The following MOSMO variants were observed in gnomAD, a reference collection of about 807,000 sequenced individuals.
MOSMO encodes modulator of smoothened protein.
In MOSMO, 5 loss-of-function variants were observed where a neutral mutation model predicts 18.4. That is an observed-to-expected ratio of 0.27 (90% confidence interval 0.14 to 0.57). The LOEUF (loss-of-function observed/expected upper bound fraction) is 0.57, where lower values mean the gene tolerates loss of function less well. Among genes scored for constraint, MOSMO ranks in the 20% least tolerant of loss-of-function variants. The pLI, the probability that MOSMO is intolerant of heterozygous loss-of-function variation, is 0.92. For missense variants in MOSMO, 138 were observed against 211.8 expected (o/e 0.65, Z 2.16); for synonymous variants, 82 against 82.3 (o/e 1.00, Z 0.02).
At chr16:22,027,251 T>C (rs1373664289) in intron 1 of MOSMO, among the ~76,000 whole-genome samples, 2 of 152,180 alleles carry the variant, frequency 1.3e-5, no homozygotes, top group Non-Finnish European at 2.9e-5. Flanking sequence ...AAAATAGCGG[T>C]TTGTGGAAAA....
chr16:22,080,953 G>A lies in MOSMO; in HGVS notation c.*73G>A. ...TTTTTTATTTTTGGAGGGTGGAGAG[G>A]ACAAAGGCGAGGCATCTGAGCAGGC... is the stretch of plus-strand genomic sequence containing the variant. On this transcript the variant is annotated 3_prime_UTR_variant, in exon 3 of 3. Coordinates refer to ENST00000542527, the MANE Select transcript of MOSMO (RefSeq NM_001164579.2). 1 of 690,876 alleles carries A rather than the reference G, an allele frequency of 1.4e-6. No individual in the cohort carries two copies. The highest frequency in any genetic ancestry group is 2.1e-6 in the Non-Finnish European group (1 of 487,792). The allele number at this position is 690,876 out of a possible 1,614,324, so 42.8% of individuals were successfully genotyped here. A position where few individuals can be genotyped will look rare whatever the true frequency, so the allele number is the denominator to read the frequency against.
chr16:22,047,028 C>T (rs1900321984), intron 1 of MOSMO, among the ~76,000 whole-genome samples: 1 of 152,016 alleles, frequency 6.6e-6, no homozygotes, highest in Admixed American at 6.6e-5. Flanking sequence ...TTCACCCCCT[C>T]CTGGCATCTT....
At chr16:22,020,291 A>ATTT (rs1204620607) in intron 1 of MOSMO, among the ~76,000 whole-genome samples, 1 of 122,512 alleles carries the variant, frequency 8.2e-6, no homozygotes, top group African/African-American at 3.0e-5. Flanking sequence ...CCTGACTTTA[A>ATTT]TTTTTTTTTT....
At chr16:22,012,739 GAAAA>G (rs5816166) in intron 1 of MOSMO, among the ~76,000 whole-genome samples, 1 of 67,138 alleles carries the variant, frequency 1.5e-5, no homozygotes, top group African/African-American at 6.5e-5. Flanking sequence ...AGAAGGAATA[GAAAA>G]AAAAAAAAAA....
intron 1 of MOSMO, among the ~76,000 whole-genome samples, chr16:22,028,398 C>G (rs1338403933): frequency 6.7e-6 from 1 of 150,062 alleles, no homozygotes; most frequent in Non-Finnish European, 1.5e-5. Flanking sequence ...ATAAAATATG[C>G]ATAACGAAAT....
chr16:22,075,229 A>G, intron 1 of MOSMO: 1 of 547,280 alleles, frequency 1.8e-6, no homozygotes, highest in Admixed American at 2.4e-5. Context: ...AAAAGTATTT[A>G]TTTAATGAAT....
At chr16:22,014,609 C>G (rs995987491) in intron 1 of MOSMO, among the ~76,000 whole-genome samples, 14 of 152,150 alleles carry the variant, frequency 9.2e-5, no homozygotes, top group African/African-American at 3.1e-4. Context: ...GTTTAAAACA[C>G]TAAAATTACA....
intron 1 of MOSMO, among the ~76,000 whole-genome samples, chr16:22,072,621 C>A (rs1900878336): frequency 6.6e-6 from 1 of 152,064 alleles, no homozygotes; most frequent in African/African-American, 2.4e-5. Flanking sequence ...ACGATCTTGG[C>A]TAACACGGTG....
intron 1 of MOSMO, among the ~76,000 whole-genome samples, chr16:22,026,907 A>G (rs1899888169): frequency 1.3e-5 from 2 of 151,508 alleles, no homozygotes; most frequent in African/African-American, 2.4e-5. Flanking sequence ...GTATTCGTGT[A>G]GCAAGTCTCT....
At chr16:22,035,126 G>T (rs139780442) in intron 1 of MOSMO, among the ~76,000 whole-genome samples, 47 of 152,202 alleles carry the variant, frequency 3.1e-4, no homozygotes, top group Non-Finnish European at 5.3e-4. Context: ...ATGACGGTAA[G>T]GTACATGGGG....
intron 1 of MOSMO, among the ~76,000 whole-genome samples, chr16:22,044,496 A>T (rs1900270018): frequency 6.6e-6 from 1 of 152,216 alleles, no homozygotes. Flanking sequence ...GAGCACTGAC[A>T]TGATGCTCAA....
intron 2 of MOSMO, among the ~76,000 whole-genome samples, chr16:22,076,577 C>A (rs1900973426): frequency 6.6e-6 from 1 of 152,160 alleles, no homozygotes; most frequent in Non-Finnish European, 1.5e-5. Flanking sequence ...GAGAACAATA[C>A]CTATGCAAAT....
At chr16:22,092,579 T>C in the MOSMO span, 1 of 1,545,936 alleles carries the variant, frequency 6.5e-7, no homozygotes, top group Non-Finnish European at 8.7e-7. Context: ...AGAAGTGAGA[T>C]CCAGGAGAAG....
At chr16:22,060,566 G>T (rs1470948902) in intron 1 of MOSMO, among the ~76,000 whole-genome samples, 2 of 152,110 alleles carry the variant, frequency 1.3e-5, no homozygotes, top group South Asian at 4.1e-4. Flanking sequence ...AGATATTGCT[G>T]CTGGGAATGT....
chr16:22,092,509 TA>T, downstream of MOSMO: 1 of 1,229,534 alleles, frequency 8.1e-7, no homozygotes, highest in Non-Finnish European at 1.1e-6. Flanking sequence ...GGAGACCAGC[TA>T]ACACATTCCC....
At chr16:22,035,678 T>C (rs1900093784) in intron 1 of MOSMO, among the ~76,000 whole-genome samples, 2 of 152,208 alleles carry the variant, frequency 1.3e-5, no homozygotes, top group Non-Finnish European at 2.9e-5. Context: ...CGGTTTGCCC[T>C]GTGTCTTCAG....
At chr16:22,054,990 T>C (rs1370233637) in intron 1 of MOSMO, among the ~76,000 whole-genome samples, 1 of 152,044 alleles carries the variant, frequency 6.6e-6, no homozygotes. Flanking sequence ...ACATTTATTA[T>C]GTCTGGTATA....
At chr16:22,014,045 A>T (rs1185948237) in intron 1 of MOSMO, among the ~76,000 whole-genome samples, 1 of 152,096 alleles carries the variant, frequency 6.6e-6, no homozygotes, top group Non-Finnish European at 1.5e-5. Flanking sequence ...GTGACGTCCT[A>T]CTCCTGGACC....
chr16:22,062,274 AAGAT>A (rs1244866644), intron 1 of MOSMO, among the ~76,000 whole-genome samples: 2 of 146,780 alleles, frequency 1.4e-5, no homozygotes, highest in Non-Finnish European at 3.0e-5. Flanking sequence ...AAAAAAGAGA[AAGAT>A]AGAATCCCAA....
Sources: allele counts gnomAD v4.1 joint callset (sites outside exome capture counted in the v4.1 genomes callset), GRCh38; gene constraint gnomAD v4.1.1; transcripts MANE v1.5; gene names NCBI Gene and HGNC (gene_info 2026-07-23, HGNC 2026-07-21).